Variants in PSEN2 observed in about 807,000 individuals in gnomAD.
PSEN2 encodes the protein presenilin-2.
In PSEN2, 32 loss-of-function variants were observed where a neutral mutation model predicts 49.1. That is an observed-to-expected ratio of 0.65 (90% CI 0.49 to 0.88). The LOEUF (loss-of-function observed/expected upper bound fraction) is 0.88, where lower values mean the gene tolerates loss of function less well. PSEN2 is among the 40% of genes least tolerant of loss of function. The pLI is 0.00. For synonymous variants in PSEN2, 255 were observed against 244.0 expected (o/e 1.05, Z -0.42); for missense variants, 522 against 586.9 (o/e 0.89, Z 1.14).
At position 226,888,071 on chromosome 1, in the gene PSEN2, G is replaced by T. The variant is rs201919671; in HGVS notation, c.499-20G>T. ...TGGCGCTTGGGGACACCTTGTGATC[G>T]TGCAATTTCTGTTGTCTAGTTCATC... is the stretch of plus-strand genomic sequence containing the variant. On this transcript the variant is annotated intron_variant, in intron 6 of 12. Coordinates refer to ENST00000366783, the MANE Select transcript of PSEN2 (RefSeq NM_000447.3). 2 of 1,606,718 alleles carry T rather than the reference G, an allele frequency of 1.2e-6. No individual in the cohort carries two copies. The highest frequency in any genetic ancestry group is 3.3e-5 in the Admixed American group (2 of 60,012).
At chr1:226,891,134 C>T (rs1340365222) in intron 9 of PSEN2, 144 bp from the exon 10 acceptor site, 3 of 709,272 alleles carry the variant, frequency 4.2e-6, no homozygotes, top group Middle Eastern at 3.7e-4. Flanking sequence ...ACAACGGCCT[C>T]CTAACAATGG....
At chr1:226,884,916 T>G (rs944992677) in intron 5 of PSEN2, among the ~76,000 whole-genome samples, 4 of 151,986 alleles carry the variant, frequency 2.6e-5, no homozygotes, top group Admixed American at 1.3e-4. Flanking sequence ...TGTCTCAAAA[T>G]TTTTTTAAAA....
At chr1:226,884,017 C>A in intron 5 of PSEN2, 98 bp downstream of exon 5, 1 of 1,044,684 alleles carries the variant, frequency 9.6e-7, no homozygotes, top group South Asian at 1.4e-5. Flanking sequence ...ACCTGCAGCT[C>A]CACACCAGCA....
At chr1:226,895,255 C>G (rs1357235600) in intron 12 of PSEN2, among the ~76,000 whole-genome samples, 169 bp from the exon 13 acceptor site, 1 of 152,114 alleles carries the variant, frequency 6.6e-6, no homozygotes, top group Non-Finnish European at 1.5e-5. Flanking sequence ...GAACTTCTGC[C>G]CTTAACACCT....
chr1:226,887,505 T>C (rs949362782), intron 6 of PSEN2, among the ~76,000 whole-genome samples: 2 of 152,156 alleles, frequency 1.3e-5, no homozygotes, highest in Non-Finnish European at 2.9e-5. Flanking sequence ...CTCCCATCCT[T>C]GGCCAGGAGA....
chr1:226,896,408 T>C (rs976792117), downstream of PSEN2, among the ~76,000 whole-genome samples: 2 of 152,204 alleles, frequency 1.3e-5, no homozygotes, highest in African/African-American at 4.8e-5. Context: ...CAGTGGTTCC[T>C]TCAGCAAGTG....
rs1662119087 is a variant in PSEN2 at position 226,895,883 on chromosome 1, G to T, written c.*304G>T. On this transcript the variant is annotated 3_prime_UTR_variant, in exon 13 of 13. Transcript: ENST00000366783. Reference sequence around the variant, plus strand: ...GAGCATCCGGCATGAGGGCTGAGATGCGCAAAGAGTGTGCTCGGGAGTGGC... The same window carrying T: ...GAGCATCCGGCATGAGGGCTGAGATTCGCAAAGAGTGTGCTCGGGAGTGGC... 6 of 469,080 alleles carry T rather than the reference G, an allele frequency of 1.3e-5. No individual in the cohort carries two copies. Among genetic ancestry groups the T allele is most frequent in the South Asian group, 1.1e-4 (5 of 46,472 alleles). The allele number at this position is 469,080 out of a possible 1,614,324, so 29.1% of individuals were successfully genotyped here.
chr1:226,877,852 G>C (rs1379644495), intron 3 of PSEN2, among the ~76,000 whole-genome samples: 1 of 152,186 alleles, frequency 6.6e-6, no homozygotes, highest in Non-Finnish European at 1.5e-5. Context: ...AGACATGTCA[G>C]GTCTTGATGA....
At chr1:226,888,179 A>C in intron 7 of PSEN2, 21 bp downstream of exon 7, 1 of 1,598,702 alleles carries the variant, frequency 6.3e-7, no homozygotes, top group Non-Finnish European at 8.6e-7. Flanking sequence ...GATAAGCAGC[A>C]GGGTCCCTGG....
At chr1:226,903,047 A>C (rs910597119) in intron 12 of PSEN2, among the ~76,000 whole-genome samples, 3 of 152,174 alleles carry the variant, frequency 2.0e-5, no homozygotes, top group Non-Finnish European at 2.9e-5. Flanking sequence ...GAAATTATCA[A>C]AATAAATTTT....
In PSEN2 at chr1:226,894,275, A is replaced by G. The variant is rs1661967738; in HGVS notation, c.1191+150A>G. 1.9e-5 allele frequency: 12 copies of G among 637,946 alleles called. No homozygotes were observed. In the South Asian group the frequency reaches 2.1e-4, roughly 11 times the overall value. The allele number at this position is 637,946 out of a possible 1,614,324, so 39.5% of individuals were successfully genotyped here. A position where few individuals can be genotyped will look rare whatever the true frequency, so the allele number is the denominator to read the frequency against. On this transcript the variant is annotated intron_variant, in intron 12 of 12. Transcript: ENST00000366783. ...AGCAGGGAGCGGGGCTGGAAGGGTCAGCTTGAGACCAAGGCTCACAGGAGG... is the reference window on the plus strand; with the variant it reads ...AGCAGGGAGCGGGGCTGGAAGGGTCGGCTTGAGACCAAGGCTCACAGGAGG...
At position 226,882,061 on chromosome 1, in the gene PSEN2, A is replaced by G. The variant is rs750428132; in HGVS notation, c.141+13A>G. ...CACTGCCCAGTGGGTAGGTCCCACC[A>G]GCAGCTGGGGGCCTTCAAACAGGTC... is the stretch of plus-strand genomic sequence containing the variant. On this transcript the variant is annotated intron_variant, in intron 4 of 12. Transcript: ENST00000366783. 21 of 1,613,546 alleles carry G rather than the reference A, an allele frequency of 1.3e-5. No individual in the cohort carries two copies. In the Middle Eastern group the frequency reaches 5.0e-4, roughly 39 times the overall value.
chr1:226,876,192 G>A (rs566636763), intron 3 of PSEN2, among the ~76,000 whole-genome samples: 29 of 152,238 alleles, frequency 1.9e-4, no homozygotes, highest in Admixed American at 2.6e-4. Flanking sequence ...ATCTGCACAC[G>A]TTTGGGTGGT....
In PSEN2 at chr1:226,887,681, T is replaced by C. The variant is rs557474258; in HGVS notation, c.499-410T>C. On this transcript the variant is annotated intron_variant, in intron 6 of 12. Coordinates refer to ENST00000366783, the MANE Select transcript of PSEN2 (RefSeq NM_000447.3). ...TGGCCCTCATCATTACCTGCTGATA[T>C]ACTGTATGTTTGTCTATATGTCATC... Among the ~76,000 whole-genome samples the C allele has an allele frequency of 9.9e-4, 151 of 152,282 alleles. 1 individual carries two copies. The highest frequency in any genetic ancestry group is 3.5e-3 in the African/African-American group (144 of 41,564).
downstream of PSEN2, among the ~76,000 whole-genome samples, chr1:226,901,265 G>A (rs531608515): frequency 6.6e-5 from 10 of 152,082 alleles, no homozygotes; most frequent in South Asian, 4.2e-4. Flanking sequence ...GTGAAACTCC[G>A]TCTCTACTAA....
chr1:226,884,069 C>A, intron 5 of PSEN2, 150 bp downstream of exon 5: 1 of 676,710 alleles, frequency 1.5e-6, no homozygotes, highest in Non-Finnish European at 2.5e-6. Context: ...GGTTCATGGC[C>A]TGGCTCACTG....
chr1:226,883,940 GAGCAGGGTGGGGTGAGGGCTGAGTTGCCA>G, intron 5 of PSEN2, 21 bp downstream of exon 5: 1 of 1,284,716 alleles, frequency 7.8e-7, no homozygotes, highest in Non-Finnish European at 1.1e-6. Context: ...GGGCTGGGGG[GAGCAGGGTGGGGTGAGGGCTGAGTTGCCA>G]GGGGGTGGGG....
At position 226,894,159 on chromosome 1, in the gene PSEN2, G is replaced by A. The variant is rs764832142; in HGVS notation, c.1191+34G>A. ...CTGGGGATGCGTCCAGCTGCCTCGT[G>A]GTGGGGGCCCCCAGGGTCCTCATTG... On this transcript the variant is annotated intron_variant, in intron 12 of 12. Transcript: ENST00000366783. The A allele has an allele frequency of 8.9e-6, 14 of 1,576,282 alleles. No homozygotes were observed. The Admixed American group carries it at 2.2e-4, about 24-fold the overall frequency.
intron 4 of PSEN2, among the ~76,000 whole-genome samples, 157 bp from the exon 5 acceptor site, chr1:226,883,548 C>T (rs1661131700): frequency 6.6e-6 from 1 of 152,258 alleles, no homozygotes; most frequent in South Asian, 2.1e-4. Flanking sequence ...ACTTTGTCCT[C>T]ACAAACTTTT....
Sources: gnomAD v4.1 joint callset for allele counts (sites outside exome capture counted in the v4.1 genomes callset) on GRCh38, gnomAD v4.1.1 for gene constraint, MANE v1.5 for transcripts, NCBI Gene and HGNC (gene_info 2026-07-23, HGNC 2026-07-21) for gene names.